MAML3: variants seen among roughly 807,000 people sequenced by gnomAD.
MAML3 encodes the protein mastermind-like protein 3.
MAML3 carries 27 observed loss-of-function variants against 101.9 expected under a neutral mutation model. The ratio of observed to expected loss-of-function variants is 0.27; its 90% CI spans 0.20 to 0.37. MAML3 has a LOEUF of 0.37. Among genes scored for constraint, MAML3 ranks in the 10% least tolerant of loss-of-function variants. MAML3 has a pLI of 1.00. For synonymous variants in MAML3, 501 were observed against 555.9 expected (o/e 0.90, Z 1.39); for missense variants, 1,316 against 1,444.9 (o/e 0.91, Z 1.45).
chr4:139,894,872 A>C (rs1732578901), intron 1 of MAML3, among the ~76,000 whole-genome samples: 1 of 152,240 alleles, frequency 6.6e-6, no homozygotes, highest in South Asian at 2.1e-4. Context: ...GCAAGATCAA[A>C]TATCACAGCT....
chr4:140,054,359 A>G (rs1727317298), intron 1 of MAML3, among the ~76,000 whole-genome samples: 1 of 145,068 alleles, frequency 6.9e-6, no homozygotes, highest in African/African-American at 2.6e-5. Context: ...ACAGAGGGAG[A>G]CTCCGTCTCA....
intron 1 of MAML3, among the ~76,000 whole-genome samples, chr4:140,044,340 C>T (rs952332753): frequency 1.9e-4 from 29 of 152,002 alleles, no homozygotes; most frequent in Admixed American, 1.9e-3. Context: ...ATTACAATGG[C>T]GATGCTTCAA....
chr4:140,054,635 C>A (rs934578942), intron 1 of MAML3, among the ~76,000 whole-genome samples: 1 of 152,198 alleles, frequency 6.6e-6, no homozygotes, highest in African/African-American at 2.4e-5. Flanking sequence ...CGTTCTCCTG[C>A]AAGGCTTCCA....
intron 1 of MAML3, among the ~76,000 whole-genome samples, chr4:140,093,782 A>T (rs972306547): frequency 6.6e-6 from 1 of 152,156 alleles, no homozygotes; most frequent in African/African-American, 2.4e-5. Flanking sequence ...TCAAATCTAT[A>T]CCATCATGTG....
intron 2 of MAML3, among the ~76,000 whole-genome samples, chr4:139,765,499 A>T (rs1032362649): frequency 6.6e-6 from 1 of 152,264 alleles, no homozygotes; most frequent in Admixed American, 6.5e-5. Context: ...AATATCACAT[A>T]GGCTAAAGGA....
chr4:139,730,734 G>A, intron 2 of MAML3, 67 bp from the exon 3 acceptor site: 2 of 1,458,934 alleles, frequency 1.4e-6, no homozygotes, highest in South Asian at 1.2e-5. Context: ...TTGAAGGGAA[G>A]CCCCTGGAAA....
chr4:139,766,827 A>G (rs1729870300), intron 2 of MAML3, among the ~76,000 whole-genome samples: 1 of 152,254 alleles, frequency 6.6e-6, no homozygotes, highest in African/African-American at 2.4e-5. Context: ...AAGGTTTGCC[A>G]CTGCGCCATC....
chr4:140,117,405 TTA>T (rs147955041), intron 1 of MAML3, among the ~76,000 whole-genome samples: 11,151 of 152,228 alleles, frequency 0.073, 518 homozygotes, highest in Admixed American at 0.11. Flanking sequence ...TAATGTGGTT[TTA>T]TGTTTTTAAG....
chr4:139,745,422 T>C (rs1579385546), intron 2 of MAML3, among the ~76,000 whole-genome samples: 1 of 151,936 alleles, frequency 6.6e-6, no homozygotes, highest in African/African-American at 2.4e-5. Context: ...GCAGGAAGGG[T>C]TGGGAGGTAG....
chr4:140,118,978 G>A (rs573146297), intron 1 of MAML3, among the ~76,000 whole-genome samples: 1 of 152,260 alleles, frequency 6.6e-6, no homozygotes, highest in East Asian at 1.9e-4. Context: ...AAGGATTTGG[G>A]AAATTAATGT....
intron 1 of MAML3, among the ~76,000 whole-genome samples, chr4:140,100,063 C>T (rs1728230367): frequency 6.6e-6 from 1 of 151,656 alleles, no homozygotes; most frequent in South Asian, 2.1e-4. Context: ...ACGACCGCAG[C>T]CCCCACGTTC....
intron 2 of MAML3, among the ~76,000 whole-genome samples, chr4:139,872,953 C>T (rs949556000): frequency 2.0e-5 from 3 of 151,690 alleles, no homozygotes; most frequent in East Asian, 1.9e-4. Flanking sequence ...TGGTGGTGGG[C>T]GCCTGTAATC....
chr4:139,862,329 C>T (rs981988937), intron 2 of MAML3, among the ~76,000 whole-genome samples: 13 of 152,072 alleles, frequency 8.5e-5, no homozygotes, highest in African/African-American at 3.1e-4. Context: ...CTAGGTTATT[C>T]TAGTGGGCAA....
chr4:140,086,520 GA>G (rs559837613), intron 1 of MAML3, among the ~76,000 whole-genome samples: 57 of 150,300 alleles, frequency 3.8e-4, no homozygotes, highest in African/African-American at 8.0e-4. Context: ...TTCTTTAAGG[GA>G]AAAAAAAAGG....
At chr4:139,884,510 C>T (rs1425741244) in intron 2 of MAML3, among the ~76,000 whole-genome samples, 1 of 152,228 alleles carries the variant, frequency 6.6e-6, no homozygotes, top group African/African-American at 2.4e-5. Context: ...TCCCTTTCTG[C>T]TCTTCCCCAC....
intron 1 of MAML3, among the ~76,000 whole-genome samples, chr4:140,021,308 T>C (rs112350874): frequency 0.013 from 1,962 of 152,292 alleles, 46 homozygotes; most frequent in African/African-American, 0.044. Context: ...GAGTATGGAC[T>C]ACTTAAGCAA....
At chr4:139,742,205 G>A (rs1017549559) in intron 2 of MAML3, among the ~76,000 whole-genome samples, 7 of 148,884 alleles carry the variant, frequency 4.7e-5, no homozygotes, top group Non-Finnish European at 1.0e-4. Flanking sequence ...CTGAAGTGCA[G>A]TGGCACAATC....
At chr4:140,142,800 C>T (rs1161447495) in intron 1 of MAML3, among the ~76,000 whole-genome samples, 1 of 152,182 alleles carries the variant, frequency 6.6e-6, no homozygotes, top group Non-Finnish European at 1.5e-5. Context: ...TTTGCACCTT[C>T]CTGTATGCTT....
chr4:139,871,844 C>G (rs1732012378), intron 2 of MAML3, among the ~76,000 whole-genome samples: 1 of 152,192 alleles, frequency 6.6e-6, no homozygotes, highest in Non-Finnish European at 1.5e-5. Context: ...CCCTAGGACA[C>G]TAATACAATT....
Sources: allele counts gnomAD v4.1 joint callset (sites outside exome capture counted in the v4.1 genomes callset), GRCh38; gene constraint gnomAD v4.1.1; transcripts MANE v1.5; gene names NCBI Gene and HGNC (gene_info 2026-07-23, HGNC 2026-07-21).